OR4F15: variants seen among roughly 807,000 people sequenced by gnomAD.
The protein encoded by OR4F15 is olfactory receptor family 4 subfamily F member 15.
In OR4F15, 7 loss-of-function variants were observed where a neutral mutation model predicts 11.9. The observed-to-expected ratio is 0.59, with a 90% confidence interval of 0.33 to 1.10. The LOEUF (loss-of-function observed/expected upper bound fraction) is 1.10, where lower values mean the gene tolerates loss of function less well. Among genes scored for constraint, OR4F15 ranks in the 50% least tolerant of loss-of-function variants. The probability of loss-of-function intolerance (pLI) is 0.03; values close to 1 mark genes in which losing one functional copy is unlikely to be tolerated. For missense variants in OR4F15, 445 were observed against 377.5 expected (o/e 1.18, Z -1.48); for synonymous variants, 151 against 134.6 (o/e 1.12, Z -0.84).
chr15:101,814,727 T>TA (rs1417142620), intron 1 of OR4F15, among the ~76,000 whole-genome samples: 1 of 152,172 alleles, frequency 6.6e-6, no homozygotes, highest in Non-Finnish European at 1.5e-5. Context: ...CTTTCTGATT[T>TA]AAAAAATGTA....
intron 1 of OR4F15, among the ~76,000 whole-genome samples, chr15:101,817,749 A>G (rs958895239): frequency 2.0e-5 from 3 of 152,216 alleles, no homozygotes; most frequent in Admixed American, 6.6e-5. Flanking sequence ...AGACTTTGAA[A>G]GCTGTATGCT....
At chr15:101,814,994 A>G (rs1902965295) in intron 1 of OR4F15, among the ~76,000 whole-genome samples, 1 of 152,136 alleles carries the variant, frequency 6.6e-6, no homozygotes, top group South Asian at 2.1e-4. Context: ...TTCCTACTTC[A>G]TGGAAGCCTT....
chr15:101,818,888 C>A lies in OR4F15; in HGVS notation c.702C>A (p.Ala234=). ...TVWKHSSGGL[A]KALSTLSAHV... The stretch of plus-strand genomic sequence containing the variant: ...GGAAACATTCTTCTGGTGGTCTAGC[C>A]AAGGCCCTCTCTACCCTGTCAGCTC... The change falls in exon 2 of 2, where the codon GCC becomes GCA. Residue 234 remains alanine, a synonymous_variant. Coordinates refer to ENST00000332238, the MANE Select transcript of OR4F15 (RefSeq NM_001001674.2). 1 of 1,614,106 alleles carries A rather than the reference C, an allele frequency of 6.2e-7. No individual in the cohort carries two copies.
intron 1 of OR4F15, 75 bp from the exon 2 acceptor site, chr15:101,818,075 C>G: frequency 1.3e-6 from 1 of 746,562 alleles, no homozygotes. Flanking sequence ...TAGTTATTTT[C>G]ATGGCTGGAG....
intron 1 of OR4F15, among the ~76,000 whole-genome samples, chr15:101,814,016 C>G (rs1004023937): frequency 1.2e-4 from 18 of 152,118 alleles, no homozygotes; most frequent in African/African-American, 4.3e-4. Context: ...CACTTATAAC[C>G]CAATGTGTCA....
At chr15:101,815,914 GA>G (rs969859565) in intron 1 of OR4F15, among the ~76,000 whole-genome samples, 2 of 152,170 alleles carry the variant, frequency 1.3e-5, no homozygotes, top group African/African-American at 4.8e-5. Context: ...ACTGGAGTCA[GA>G]AGTCACTAAT....
rs576931774 is a variant in OR4F15 at position 101,820,085 on chromosome 15, G to A, written c.*960G>A. 6.6e-6 allele frequency: 1 copy of A among 152,266 alleles called. No homozygotes were observed. Among genetic ancestry groups the A allele is most frequent in the African/African-American group, 2.4e-5 (1 of 41,442 alleles). The allele number at this position is 152,266 out of a possible 1,614,324, so 9.4% of individuals were successfully genotyped here. A position where few individuals can be genotyped will look rare whatever the true frequency, so the allele number is the denominator to read the frequency against. Reference sequence around the variant, plus strand: ...GCACATAGCTGGAAACCATCAAAGAGAGCCAGGCACCAGAAACCATGACTC... The same window carrying A: ...GCACATAGCTGGAAACCATCAAAGAAAGCCAGGCACCAGAAACCATGACTC... On this transcript the variant is annotated 3_prime_UTR_variant, in exon 2 of 2. Transcript: ENST00000332238.
intron 1 of OR4F15, among the ~76,000 whole-genome samples, chr15:101,813,508 C>CA (rs11311342): frequency 0.034 from 3,640 of 107,262 alleles, 71 homozygotes; most frequent in East Asian, 0.062. Flanking sequence ...GAATCTGTCT[C>CA]AAAAAAAAAA....
In OR4F15 at chr15:101,818,525, G is replaced by C. The variant is rs1268312235; in HGVS notation, c.339G>C (p.Val113=). 5.0e-6 allele frequency: 8 copies of C among 1,613,960 alleles called. No homozygotes were observed. The South Asian group carries it at 7.7e-5, about 16-fold the overall frequency. ...ATGCTCTTGGGGGCACTGAGATGGT[G>C]CTGCTCATAGCCATGGCCTTTGACA... ...FSHALGGTEM[V]LLIAMAFDRY... is the part of the protein sequence containing the mutation. Residue 113 remains valine (V), a synonymous_variant, in exon 2 of 2, where the codon GTG becomes GTC. Coordinates refer to ENST00000332238, the MANE Select transcript of OR4F15 (RefSeq NM_001001674.2).
rs1051443189 is a variant in OR4F15 at position 101,820,038 on chromosome 15, G to A, written c.*913G>A. 1 of 152,194 alleles carries A rather than the reference G, an allele frequency of 6.6e-6. No individual in the cohort carries two copies. The highest frequency in any genetic ancestry group is 2.4e-5 in the African/African-American group (1 of 41,432). 9.4% of individuals were successfully genotyped at this position (152,194 alleles called of 1,614,324 possible). On this transcript the variant is annotated 3_prime_UTR_variant, in exon 2 of 2. Coordinates refer to ENST00000332238, the MANE Select transcript of OR4F15 (RefSeq NM_001001674.2). ...ACACGTACTAAAATCCAAGAATTGA[G>A]CAGTGACTAGTTTGCCCAAAGGCAC...
chr15:101,813,590 A>G (rs1902941218), intron 1 of OR4F15, among the ~76,000 whole-genome samples: 1 of 152,052 alleles, frequency 6.6e-6, no homozygotes, highest in African/African-American at 2.4e-5. Flanking sequence ...TGAGGGAAAA[A>G]CTGACATTTC....
Position 101,819,148 on chromosome 15 carries a change from T to A in OR4F15, c.*23T>A. ...TAAATGGCTTGGCTGTCAAGATGTG[T>A]AACTATGGATTACTCCTCATGCTGA... On this transcript the variant is annotated 3_prime_UTR_variant, in exon 2 of 2. Coordinates refer to ENST00000332238, the MANE Select transcript of OR4F15 (RefSeq NM_001001674.2). The A allele has an allele frequency of 1.4e-6, 2 of 1,470,464 alleles. No homozygotes were observed. Among genetic ancestry groups the A allele is most frequent in the Non-Finnish European group, 1.9e-6 (2 of 1,074,024 alleles). The allele number at this position is 1,470,464 out of a possible 1,614,324, so 91.1% of individuals were successfully genotyped here. A position where few individuals can be genotyped will look rare whatever the true frequency, so the allele number is the denominator to read the frequency against.
At chr15:101,816,085 G>C (rs140360574) in intron 1 of OR4F15, among the ~76,000 whole-genome samples, 2 of 152,184 alleles carry the variant, frequency 1.3e-5, no homozygotes, top group Admixed American at 1.3e-4. Context: ...AGAAAGCTGT[G>C]CTGTATAGAA....
intron 1 of OR4F15, among the ~76,000 whole-genome samples, chr15:101,816,416 A>G (rs1329922930): frequency 6.6e-6 from 1 of 152,096 alleles, no homozygotes; most frequent in Non-Finnish European, 1.5e-5. Flanking sequence ...TAGCTCTGAA[A>G]ACTCATTTTA....
chr15:101,819,624 C>T lies in OR4F15; in HGVS notation c.*499C>T, dbSNP rs117956661. ...CCGGTTCAAGGGTTCGAGTAATTCT[C>T]CTGCCTCAGCCTCCTGAGGGCTGGG... is the stretch of plus-strand genomic sequence containing the variant. On this transcript the variant is annotated 3_prime_UTR_variant, in exon 2 of 2. Transcript: ENST00000332238. 1,933 of 152,774 alleles carry T rather than the reference C, an allele frequency of 0.013. 19 individuals carry two copies. Among genetic ancestry groups the T allele is most frequent in the Non-Finnish European group, 0.02 (1,351 of 68,426 alleles). 9.5% of individuals were successfully genotyped at this position (152,774 alleles called of 1,614,324 possible). A position where few individuals can be genotyped will look rare whatever the true frequency, so the allele number is the denominator to read the frequency against.
intron 1 of OR4F15, among the ~76,000 whole-genome samples, chr15:101,816,701 A>G (rs1902994686): frequency 6.6e-6 from 1 of 152,214 alleles, no homozygotes; most frequent in Non-Finnish European, 1.5e-5. Context: ...TTTATAAAAC[A>G]TAAATGTTGG....
Position 101,819,888 on chromosome 15 carries a change from A to G in OR4F15, c.*763A>G, listed in dbSNP as rs1424334815. 6.6e-6 allele frequency: 1 copy of G among 152,210 alleles called. No individual in the cohort carries two copies. The highest frequency in any genetic ancestry group is 1.5e-5 in the Non-Finnish European group (1 of 68,064). The allele number at this position is 152,210 out of a possible 1,614,324, so 9.4% of individuals were successfully genotyped here. ...TTTGCTTTCTATTGCTCCAGTCTCT[A>G]CATATTTTTGCCACCTTATCAGGCT... On this transcript the variant is annotated 3_prime_UTR_variant, in exon 2 of 2. Transcript: ENST00000332238.
intron 1 of OR4F15, among the ~76,000 whole-genome samples, chr15:101,817,549 A>C (rs1050212393): frequency 6.6e-6 from 1 of 152,210 alleles, no homozygotes; most frequent in African/African-American, 2.4e-5. Flanking sequence ...GAGTAAAATA[A>C]ATGCTAATGG....
chr15:101,817,523 A>T lies in OR4F15; in HGVS notation c.-37-627A>T, dbSNP rs941326568. ...TTTAATTGGAGAAATGGACATTTATATAACTGTGAGAAGCAGAGTAAAATA... is the reference window on the plus strand; with the variant it reads ...TTTAATTGGAGAAATGGACATTTATTTAACTGTGAGAAGCAGAGTAAAATA... On this transcript the variant is annotated intron_variant, in intron 1 of 1. Coordinates refer to ENST00000332238, the MANE Select transcript of OR4F15 (RefSeq NM_001001674.2). Among the ~76,000 whole-genome samples the T allele has an allele frequency of 3.3e-5, 5 of 152,214 alleles. No homozygotes were observed. The South Asian group carries it at 1.0e-3, about 32-fold the overall frequency.
Sources: gnomAD v4.1 joint callset for allele counts (sites outside exome capture counted in the v4.1 genomes callset) on GRCh38, gnomAD v4.1.1 for gene constraint, MANE v1.5 for transcripts, NCBI Gene and HGNC (gene_info 2026-07-23, HGNC 2026-07-21) for gene names.